Variants in CTNND2 observed in about 807,000 individuals in gnomAD.
CTNND2 encodes the protein catenin delta 2, also known as catenin delta-2.
A neutral mutation model predicts 144.4 loss-of-function variants in CTNND2; 22 were observed. That is an observed-to-expected ratio of 0.15 (90% CI 0.11 to 0.22). CTNND2 has a LOEUF of 0.22. Among genes scored for constraint, CTNND2 ranks in the 10% least tolerant of loss-of-function variants. The pLI is 1.00. For synonymous variants in CTNND2, 751 were observed against 695.6 expected (o/e 1.08, Z -1.25); for missense variants, 1,353 against 1,618.8 (o/e 0.84, Z 2.82).
At chr5:11,111,584 T>G (rs2149685726) in intron 13 of CTNND2, among the ~76,000 whole-genome samples, 1 of 152,290 alleles carries the variant, frequency 6.6e-6, no homozygotes, top group East Asian at 1.9e-4. Context: ...AGTCTACATT[T>G]TTTTGAGATG....
intron 1 of CTNND2, among the ~76,000 whole-genome samples, chr5:11,804,770 T>C (rs778115194): frequency 6.6e-6 from 1 of 152,208 alleles, no homozygotes. Context: ...CTATTCTGCA[T>C]GACACTACTC....
chr5:11,088,450 AGTT>A (rs1348810337), intron 15 of CTNND2, among the ~76,000 whole-genome samples: 1 of 152,230 alleles, frequency 6.6e-6, no homozygotes, highest in Non-Finnish European at 1.5e-5. Context: ...AAATTAATTC[AGTT>A]GTTTCTTGTT....
chr5:11,039,217 A>G (rs1011798934), intron 16 of CTNND2, among the ~76,000 whole-genome samples: 3 of 152,220 alleles, frequency 2.0e-5, no homozygotes, highest in African/African-American at 7.2e-5. Flanking sequence ...GGCAATACCA[A>G]TCTGTGACAA....
intron 7 of CTNND2, among the ~76,000 whole-genome samples, chr5:11,380,124 C>A (rs1045327099): frequency 6.6e-6 from 1 of 152,164 alleles, no homozygotes; most frequent in Non-Finnish European, 1.5e-5. Flanking sequence ...CTAGGATGCT[C>A]CCATAGTAAC....
intron 3 of CTNND2, among the ~76,000 whole-genome samples, chr5:11,526,377 T>C (rs1397214566): frequency 6.6e-6 from 1 of 152,108 alleles, no homozygotes; most frequent in African/African-American, 2.4e-5. Flanking sequence ...GTGAAATTGG[T>C]TCTGTCATAT....
At chr5:11,125,279 A>T (rs765557368) in intron 12 of CTNND2, among the ~76,000 whole-genome samples, 29 of 152,278 alleles carry the variant, frequency 1.9e-4, no homozygotes, top group Middle Eastern at 3.4e-3. Context: ...AGACCCTCCA[A>T]GTCTGTCCAT....
At chr5:11,324,654 C>T (rs925913359) in intron 9 of CTNND2, among the ~76,000 whole-genome samples, 14 of 152,186 alleles carry the variant, frequency 9.2e-5, no homozygotes, top group African/African-American at 3.4e-4. Context: ...ATTGGCAGAG[C>T]AGAATTCTGG....
chr5:11,822,056 A>C (rs1170224220), intron 1 of CTNND2, among the ~76,000 whole-genome samples: 1 of 152,160 alleles, frequency 6.6e-6, no homozygotes, highest in East Asian at 1.9e-4. Flanking sequence ...TTACTATGTA[A>C]TAGTACTATA....
chr5:11,515,054 C>A (rs1467171657), intron 3 of CTNND2, among the ~76,000 whole-genome samples: 1 of 146,402 alleles, frequency 6.8e-6, no homozygotes, highest in African/African-American at 2.6e-5. Flanking sequence ...TGGAATCAAT[C>A]AAATTTTCTT....
Position 11,022,843 on chromosome 5 carries a change from C to T in CTNND2, c.2925G>A (p.Met975Ile). 1 of 1,614,266 alleles carries T rather than the reference C, an allele frequency of 6.2e-7. No individual in the cohort carries two copies. The highest frequency in any genetic ancestry group is 8.5e-7 in the Non-Finnish European group (1 of 1,180,050). ...CATCCCGTAAGGCCTTGGCGTTCTCCATGTTCTTGGTAATCACTTCGTGCA... is the reference window on the plus strand; with the variant it reads ...CATCCCGTAAGGCCTTGGCGTTCTCTATGTTCTTGGTAATCACTTCGTGCA... The part of the protein sequence containing the change: ...CTLHEVITKN[M>I]ENAKALRDAG... Residue 975 changes from methionine (M) to isoleucine (I), a missense_variant, in exon 17 of 22, where the codon ATG (methionine) becomes ATA (isoleucine). Met to Ile is a conservative substitution (Grantham distance 10). Coordinates refer to ENST00000304623, the MANE Select transcript of CTNND2 (RefSeq NM_001332.4).
intron 2 of CTNND2, among the ~76,000 whole-genome samples, chr5:11,668,176 T>C (rs1434044800): frequency 1.3e-5 from 2 of 152,238 alleles, no homozygotes; most frequent in East Asian, 1.9e-4. Context: ...AGCCTTGTAA[T>C]ATAGTTTGAA....
chr5:11,664,375 G>A (rs796723593), intron 2 of CTNND2, among the ~76,000 whole-genome samples: 12 of 152,196 alleles, frequency 7.9e-5, no homozygotes, highest in African/African-American at 2.9e-4. Context: ...AGCGGATCAC[G>A]AGGTCAGGAG....
At position 11,245,618 on chromosome 5, in the gene CTNND2, G is replaced by C. The variant is rs550988306; in HGVS notation, c.1629-8795C>G. On this transcript the variant is annotated intron_variant, in intron 9 of 21. Coordinates refer to ENST00000304623, the MANE Select transcript of CTNND2 (RefSeq NM_001332.4). Reference sequence around the variant, plus strand: ...CCTCTAAAGGGAGCCTGGCAGTACAGACACCTTGACTGCAACACAATGAAT... The same window carrying C: ...CCTCTAAAGGGAGCCTGGCAGTACACACACCTTGACTGCAACACAATGAAT... Among the ~76,000 whole-genome samples the C allele has an allele frequency of 5.3e-5, 8 of 152,306 alleles. No homozygotes were observed. The East Asian group carries it at 1.5e-3, about 29-fold the overall frequency.
chr5:11,752,461 A>C (rs941846217), intron 1 of CTNND2, among the ~76,000 whole-genome samples: 3 of 151,088 alleles, frequency 2.0e-5, no homozygotes, highest in African/African-American at 7.3e-5. Context: ...GCTCATTGTC[A>C]GTTATGTCCA....
chr5:11,639,861 T>C (rs1781903938), intron 2 of CTNND2, among the ~76,000 whole-genome samples: 1 of 152,224 alleles, frequency 6.6e-6, no homozygotes, highest in African/African-American at 2.4e-5. Context: ...TTATTACCTA[T>C]GATGCATGTT....
intron 3 of CTNND2, among the ~76,000 whole-genome samples, chr5:11,536,002 T>G (rs936174088): frequency 6.6e-6 from 1 of 152,138 alleles, no homozygotes; most frequent in African/African-American, 2.4e-5. Context: ...CTATGTAAAG[T>G]GTTTGGAAGA....
At chr5:11,105,219 C>T (rs778710653) in intron 14 of CTNND2, among the ~76,000 whole-genome samples, 1 of 152,250 alleles carries the variant, frequency 6.6e-6, no homozygotes, top group Non-Finnish European at 1.5e-5. Flanking sequence ...CTGTTACTGC[C>T]TTCTAAAGGG....
rs114941400 is a variant in CTNND2 at position 11,050,774 on chromosome 5, G to A, written c.2789-27795C>T. ...ACATTTGGCCCCAGATGGCCAGGAC[G>A]TGATTCATAAATGAAAGCTTCCCTA... is the stretch of plus-strand genomic sequence containing the variant. On this transcript the variant is annotated intron_variant, in intron 16 of 21. Coordinates refer to ENST00000304623, the MANE Select transcript of CTNND2 (RefSeq NM_001332.4). Among the ~76,000 whole-genome samples, 941 of 152,312 alleles carry A rather than the reference G, an allele frequency of 6.2e-3. 1 individual carries two copies. The highest frequency in any genetic ancestry group is 9.8e-3 in the Non-Finnish European group (670 of 68,022).
intron 9 of CTNND2, among the ~76,000 whole-genome samples, chr5:11,319,238 T>C (rs564452841): frequency 6.6e-6 from 1 of 152,224 alleles, no homozygotes; most frequent in Non-Finnish European, 1.5e-5. Flanking sequence ...CTAGATAAGC[T>C]TCAACAGAAC....
Sources: gnomAD v4.1 joint callset for allele counts (sites outside exome capture counted in the v4.1 genomes callset) on GRCh38, gnomAD v4.1.1 for gene constraint, MANE v1.5 for transcripts, NCBI Gene and HGNC (gene_info 2026-07-23, HGNC 2026-07-21) for gene names.